The following B4GALT1 variants were observed in gnomAD, a reference collection of about 807,000 sequenced individuals.
B4GALT1 encodes the protein N-acetyllactosamine synthase.
In B4GALT1, 16 loss-of-function variants were observed where a neutral mutation model predicts 34.9. The observed-to-expected ratio is 0.46, with a 90% CI of 0.31 to 0.70. The LOEUF is 0.70. Ranked by LOEUF, B4GALT1 falls within the 30% of genes least tolerant of loss-of-function variation. The pLI, the probability that B4GALT1 is intolerant of heterozygous loss-of-function variation, is 0.05. For synonymous variants in B4GALT1, 221 were observed against 218.1 expected (o/e 1.01, Z -0.12); for missense variants, 445 against 530.5 (o/e 0.84, Z 1.58).
intron 1 of B4GALT1, among the ~76,000 whole-genome samples, chr9:33,135,811 C>A (rs535909516): frequency 1.3e-5 from 2 of 152,234 alleles, no homozygotes; most frequent in African/African-American, 4.8e-5. Flanking sequence ...GAGGTTGAGA[C>A]TTAGCTCTGT....
rs771875889 is a variant in B4GALT1, at chr9:33,113,416, C to T, written c.*38G>A. Reference sequence around the variant, plus strand: ...TGGCAGAGACACACAGCAGAGGTCCCTGGCTAATTTCAGGTCTCTTATCCG... The same window carrying T: ...TGGCAGAGACACACAGCAGAGGTCCTTGGCTAATTTCAGGTCTCTTATCCG... On this transcript the variant is annotated 3_prime_UTR_variant, in exon 6 of 6. Coordinates refer to ENST00000379731, the MANE Select transcript of B4GALT1 (RefSeq NM_001497.4). 1.3e-5 allele frequency: 21 copies of T among 1,613,896 alleles called. 1 individual carries two copies. The East Asian group carries it at 4.5e-4, about 34-fold the overall frequency.
chr9:33,128,432 T>C (rs1340777543), intron 2 of B4GALT1, among the ~76,000 whole-genome samples: 1 of 152,092 alleles, frequency 6.6e-6, no homozygotes, highest in Non-Finnish European at 1.5e-5. Context: ...AAAAATGGCA[T>C]TTCCCAGAAC....
chr9:33,180,077 C>CTTTT, the B4GALT1 span: 1 of 152,170 alleles, frequency 6.6e-6, no homozygotes, highest in Non-Finnish European at 1.5e-5. Flanking sequence ...AATTCTACCT[C>CTTTT]TTTTTTTAAG....
downstream of B4GALT1, among the ~76,000 whole-genome samples, chr9:33,106,264 C>T (rs1032644299): frequency 1.3e-5 from 2 of 152,208 alleles, no homozygotes; most frequent in African/African-American, 4.8e-5. Flanking sequence ...AGGGAGCCTT[C>T]TTAAGGTCAG....
the B4GALT1 span, among the ~76,000 whole-genome samples, chr9:33,175,209 A>C: frequency 6.7e-6 from 1 of 149,922 alleles, no homozygotes; most frequent in Admixed American, 6.7e-5. Context: ...AGCTACTTGG[A>C]AGGCTGAGGC....
At chr9:33,114,811 T>C (rs946192676) in intron 4 of B4GALT1, among the ~76,000 whole-genome samples, 5 of 152,122 alleles carry the variant, frequency 3.3e-5, no homozygotes, top group Non-Finnish European at 7.4e-5. Flanking sequence ...GCATAGAAAG[T>C]GTTAGGTCCT....
At chr9:33,162,566 T>C (rs1410950883) in intron 1 of B4GALT1, among the ~76,000 whole-genome samples, 1 of 152,210 alleles carries the variant, frequency 6.6e-6, no homozygotes, top group East Asian at 1.9e-4. Context: ...TGCAGGGATC[T>C]TCTGAAACGC....
chr9:33,177,480 A>G, the B4GALT1 span: 4 of 152,168 alleles, frequency 2.6e-5, no homozygotes, highest in African/African-American at 9.7e-5. Context: ...GTAAGTGAAA[A>G]TGTATTAGAA....
intron 3 of B4GALT1, among the ~76,000 whole-genome samples, chr9:33,117,938 T>C (rs542423599): frequency 2.0e-5 from 3 of 152,206 alleles, no homozygotes; most frequent in East Asian, 1.9e-4. Context: ...CTGACATGAT[T>C]TGGTTTTGCT....
At chr9:33,177,648 A>G in the B4GALT1 span, among the ~76,000 whole-genome samples, 1 of 152,358 alleles carries the variant, frequency 6.6e-6, no homozygotes, top group South Asian at 2.1e-4. Context: ...ATTTATTGCT[A>G]TGCAAAACAA....
At chr9:33,104,957 T>G (rs1216171684) in intron 2 of B4GALT1, among the ~76,000 whole-genome samples, 1 of 151,978 alleles carries the variant, frequency 6.6e-6, no homozygotes, top group East Asian at 1.9e-4. Context: ...GTGCCTGGGA[T>G]TACAGGCATG....
At chr9:33,173,105 T>C in the B4GALT1 span, among the ~76,000 whole-genome samples, 6 of 152,038 alleles carry the variant, frequency 3.9e-5, no homozygotes, top group Admixed American at 1.3e-4. Flanking sequence ...GCAACACTGA[T>C]TAAAAAGTAA....
chr9:33,164,153 C>T (rs1013804617), intron 1 of B4GALT1, among the ~76,000 whole-genome samples: 2 of 152,332 alleles, frequency 1.3e-5, no homozygotes, highest in East Asian at 3.9e-4. Flanking sequence ...CTGGCCCAGA[C>T]CCCTGGACAC....
At chr9:33,158,792 T>C (rs1285757208) in intron 1 of B4GALT1, among the ~76,000 whole-genome samples, 1 of 152,122 alleles carries the variant, frequency 6.6e-6, no homozygotes, top group Non-Finnish European at 1.5e-5. Flanking sequence ...ATTGCCAGAG[T>C]CTATCTACTA....
intron 2 of B4GALT1, among the ~76,000 whole-genome samples, chr9:33,130,953 C>T (rs1193616623): frequency 6.6e-6 from 1 of 152,062 alleles, no homozygotes; most frequent in Non-Finnish European, 1.5e-5. Context: ...GTGGACCCTC[C>T]TAGTAACGGC....
chr9:33,123,212 A>C (rs1230431784), intron 2 of B4GALT1, among the ~76,000 whole-genome samples: 1 of 125,744 alleles, frequency 8.0e-6, no homozygotes, highest in African/African-American at 3.0e-5. Flanking sequence ...CGGGAGGTGG[A>C]GGTTGCAGTG....
chr9:33,135,890 A>AGAGAGTGT (rs1554686806), intron 1 of B4GALT1, among the ~76,000 whole-genome samples: 11 of 104,158 alleles, frequency 1.1e-4, no homozygotes, highest in African/African-American at 3.6e-4. Flanking sequence ...TAACTGGGGA[A>AGAGAGTGT]GTGTGTGTGT....
downstream of B4GALT1, among the ~76,000 whole-genome samples, chr9:33,108,513 T>C (rs1311231917): frequency 1.3e-5 from 2 of 151,842 alleles, no homozygotes; most frequent in Non-Finnish European, 2.9e-5. Flanking sequence ...GGCCAAGTCA[T>C]TTGCTCATGG....
upstream of B4GALT1, among the ~76,000 whole-genome samples, chr9:33,168,278 G>T (rs577743629): frequency 2.6e-5 from 4 of 152,338 alleles, no homozygotes; most frequent in South Asian, 8.3e-4. Flanking sequence ...TGCAAGTAAG[G>T]GCTGAAGGCT....
Sources: allele counts gnomAD v4.1 joint callset (sites outside exome capture counted in the v4.1 genomes callset), GRCh38; gene constraint gnomAD v4.1.1; transcripts MANE v1.5; gene names NCBI Gene and HGNC (gene_info 2026-07-23, HGNC 2026-07-21).